Variants in ATAD1 observed in about 807,000 individuals in gnomAD.
ATAD1 encodes the protein ATPase family AAA domain containing 1.
A neutral mutation model predicts 42.7 loss-of-function variants in ATAD1; 18 were observed. The observed-to-expected ratio is 0.42, with a 90% CI of 0.29 to 0.63. The LOEUF (loss-of-function observed/expected upper bound fraction) is 0.63. Ranked by LOEUF, ATAD1 falls within the 20% of genes least tolerant of loss-of-function variation. The probability of loss-of-function intolerance (pLI) is 0.19; values close to 1 mark genes in which losing one functional copy is unlikely to be tolerated. For synonymous variants in ATAD1, 132 were observed against 143.1 expected, an observed-to-expected ratio of 0.92 and a Z score of 0.55; for missense variants, 294 against 440.4, an observed-to-expected ratio of 0.67 and a Z score of 2.98.
At chr10:87,817,330 G>A (rs910148588) in intron 1 of ATAD1, among the ~76,000 whole-genome samples, 5 of 152,136 alleles carry the variant, frequency 3.3e-5, no homozygotes, top group African/African-American at 1.2e-4. Flanking sequence ...TAAACATTAG[G>A]TTCAACAAAA....
chr10:87,778,826 C>CA (rs1855436680), intron 5 of ATAD1, among the ~76,000 whole-genome samples: 2 of 151,404 alleles, frequency 1.3e-5, no homozygotes, highest in Non-Finnish European at 2.9e-5. Flanking sequence ...CATTCATCGG[C>CA]AAAAAAACGG....
upstream of ATAD1, chr10:87,818,543 G>A (rs143081249): frequency 2.6e-3 from 397 of 152,588 alleles, 3 homozygotes; most frequent in Non-Finnish European, 4.4e-3. Flanking sequence ...CAGCCTTCTT[G>A]AGAGTGCAGA....
At chr10:87,827,701 A>G (rs1857754788) in intron 1 of ATAD1, among the ~76,000 whole-genome samples, 1 of 152,102 alleles carries the variant, frequency 6.6e-6, no homozygotes, top group South Asian at 2.1e-4. Context: ...TCCTGTCCCT[A>G]TCCCTCTCCT....
At chr10:87,815,131 A>G (rs1042213558) in intron 1 of ATAD1, among the ~76,000 whole-genome samples, 3 of 152,056 alleles carry the variant, frequency 2.0e-5, no homozygotes, top group African/African-American at 4.8e-5. Flanking sequence ...AAATTTAAAC[A>G]TGCCATTTCC....
At chr10:87,797,940 A>G (rs970601182) in intron 2 of ATAD1, among the ~76,000 whole-genome samples, 1 of 152,140 alleles carries the variant, frequency 6.6e-6, no homozygotes. Flanking sequence ...TCCAAAGAGA[A>G]AGGGTGTTTT....
At chr10:87,767,056 A>C (rs1854786943) in intron 8 of ATAD1, among the ~76,000 whole-genome samples, 1 of 152,212 alleles carries the variant, frequency 6.6e-6, no homozygotes, top group Non-Finnish European at 1.5e-5. Flanking sequence ...AACAACGACA[A>C]AAAACTTCTG....
At chr10:87,773,117 A>T (rs944527294) in intron 6 of ATAD1, among the ~76,000 whole-genome samples, 1 of 152,208 alleles carries the variant, frequency 6.6e-6, no homozygotes, top group African/African-American at 2.4e-5. Context: ...ACACAAATTT[A>T]TCTATGTAAC....
chr10:87,786,784 G>A (rs972526849), intron 4 of ATAD1, among the ~76,000 whole-genome samples: 5 of 151,862 alleles, frequency 3.3e-5, no homozygotes, highest in African/African-American at 7.3e-5. Flanking sequence ...GTGAAACCCC[G>A]ACTCTACCAA....
intron 2 of ATAD1, among the ~76,000 whole-genome samples, chr10:87,803,130 T>C (rs1289067015): frequency 1.3e-5 from 2 of 152,166 alleles, no homozygotes; most frequent in African/African-American, 2.4e-5. Flanking sequence ...AGGATTTGTT[T>C]TTTGTTTTTT....
At chr10:87,761,417 T>A (rs559290225) in intron 8 of ATAD1, among the ~76,000 whole-genome samples, 26 of 152,310 alleles carry the variant, frequency 1.7e-4, no homozygotes, top group Non-Finnish European at 3.1e-4. Context: ...ATCCTAGCAC[T>A]TTGGGAGGCT....
intron 6 of ATAD1, among the ~76,000 whole-genome samples, chr10:87,773,802 C>A (rs1171756591): frequency 2.0e-5 from 3 of 152,174 alleles, no homozygotes; most frequent in African/African-American, 7.2e-5. Flanking sequence ...TATGCTCTGA[C>A]AGGGTACATA....
chr10:87,800,659 T>C (rs1402937952), intron 2 of ATAD1, among the ~76,000 whole-genome samples: 1 of 152,208 alleles, frequency 6.6e-6, no homozygotes, highest in East Asian at 1.9e-4. Context: ...TATCTTTCTA[T>C]ATGTTCAAAG....
chr10:87,798,555 G>C (rs12780761), intron 2 of ATAD1, among the ~76,000 whole-genome samples: 110 of 141,190 alleles, frequency 7.8e-4, no homozygotes, highest in Admixed American at 1.3e-3. Context: ...GGTTTTTTGT[G>C]TTTTTTTTTT....
chr10:87,761,416 C>T (rs1009006642), intron 8 of ATAD1, among the ~76,000 whole-genome samples: 1 of 152,146 alleles, frequency 6.6e-6, no homozygotes, highest in Non-Finnish European at 1.5e-5. Context: ...AATCCTAGCA[C>T]TTTGGGAGGC....
intron 6 of ATAD1, among the ~76,000 whole-genome samples, chr10:87,774,314 G>T (rs1433393247): frequency 6.6e-6 from 1 of 152,154 alleles, no homozygotes; most frequent in African/African-American, 2.4e-5. Context: ...TAACAGTTCT[G>T]AGGTAGGTAA....
intron 2 of ATAD1, among the ~76,000 whole-genome samples, chr10:87,797,568 T>C (rs1390467345): frequency 6.6e-6 from 1 of 152,210 alleles, no homozygotes; most frequent in African/African-American, 2.4e-5. Flanking sequence ...TCAAGAGTCA[T>C]GGGCAGAGTC....
intron 1 of ATAD1, among the ~76,000 whole-genome samples, chr10:87,828,805 T>C (rs1408908248): frequency 6.6e-6 from 1 of 152,244 alleles, no homozygotes. Flanking sequence ...TGCTCATTGG[T>C]CATTCTGAAA....
chr10:87,815,149 T>C (rs552544698), intron 1 of ATAD1, among the ~76,000 whole-genome samples: 2 of 152,086 alleles, frequency 1.3e-5, no homozygotes, highest in Non-Finnish European at 2.9e-5. Context: ...TCCTCAGTAA[T>C]AAGTGGTATT....
chr10:87,823,372 C>A (rs1035659056), intron 1 of ATAD1, among the ~76,000 whole-genome samples: 2 of 152,094 alleles, frequency 1.3e-5, no homozygotes, highest in African/African-American at 4.8e-5. Flanking sequence ...TTTTATTTAG[C>A]TTTAATACAG....
Sources: allele counts gnomAD v4.1 joint callset (sites outside exome capture counted in the v4.1 genomes callset), GRCh38; gene constraint gnomAD v4.1.1; transcripts MANE v1.5; gene names NCBI Gene and HGNC (gene_info 2026-07-23, HGNC 2026-07-21).